The following CACNA2D3 variants were observed in gnomAD, a reference collection of about 807,000 sequenced individuals.
CACNA2D3 encodes voltage-dependent calcium channel subunit alpha-2/delta-3.
A neutral mutation model predicts 160.6 loss-of-function variants in CACNA2D3; 60 were observed. The observed-to-expected ratio is 0.37, with a 90% CI of 0.30 to 0.46. CACNA2D3 has a LOEUF of 0.46. Ranked by LOEUF, CACNA2D3 falls within the 20% of genes least tolerant of loss-of-function variation. The probability of loss-of-function intolerance (pLI) is 1.00; values close to 1 mark genes in which losing one functional copy is unlikely to be tolerated. For missense variants in CACNA2D3, 1,205 were observed against 1,365.0 expected (o/e 0.88, Z 1.85); for synonymous variants, 558 against 492.9 (o/e 1.13, Z -1.75).
At chr3:54,401,033 G>A (rs186542299) in intron 4 of CACNA2D3, among the ~76,000 whole-genome samples, 30 of 152,072 alleles carry the variant, frequency 2.0e-4, no homozygotes, top group East Asian at 5.8e-4. Context: ...TAATCTCAAC[G>A]GAGATAAATA....
At chr3:54,287,299 T>G (rs1703057506) in intron 2 of CACNA2D3, among the ~76,000 whole-genome samples, 1 of 152,146 alleles carries the variant, frequency 6.6e-6, no homozygotes, top group Non-Finnish European at 1.5e-5. Flanking sequence ...TAAAAGACTT[T>G]AAACCAACAA....
At chr3:54,438,018 G>A (rs1700085743) in intron 4 of CACNA2D3, among the ~76,000 whole-genome samples, 1 of 152,146 alleles carries the variant, frequency 6.6e-6, no homozygotes, top group Non-Finnish European at 1.5e-5. Flanking sequence ...TTCTGTAGAG[G>A]CTTGTTTAAT....
At chr3:54,447,646 G>A (rs57360149) in intron 4 of CACNA2D3, among the ~76,000 whole-genome samples, 246 of 152,330 alleles carry the variant, frequency 1.6e-3, no homozygotes, top group African/African-American at 5.7e-3. Context: ...TTCAGGCAGG[G>A]ACTGCTTGGT....
chr3:54,147,302 C>T (rs902528186), intron 2 of CACNA2D3, among the ~76,000 whole-genome samples: 4 of 152,150 alleles, frequency 2.6e-5, no homozygotes, highest in African/African-American at 4.8e-5. Context: ...TGTCTAAGGC[C>T]GTCAGCTTGG....
intron 11 of CACNA2D3, among the ~76,000 whole-genome samples, chr3:54,723,023 C>T (rs1298164301): frequency 6.6e-6 from 1 of 152,234 alleles, no homozygotes; most frequent in Non-Finnish European, 1.5e-5. Context: ...TACTCTGTCC[C>T]AGAGAGATGG....
chr3:54,676,910 A>G (rs773459749), intron 11 of CACNA2D3, among the ~76,000 whole-genome samples: 2 of 152,172 alleles, frequency 1.3e-5, no homozygotes, highest in Non-Finnish European at 2.9e-5. Context: ...ATTTTTTGGC[A>G]CCAAGTAGGG....
At chr3:54,834,288 G>A (rs996807906) in intron 14 of CACNA2D3, among the ~76,000 whole-genome samples, 3 of 152,100 alleles carry the variant, frequency 2.0e-5, no homozygotes, top group Non-Finnish European at 4.4e-5. Context: ...AATTTGATTT[G>A]AGTTGCAAAG....
At chr3:54,773,036 C>G (rs1213228985) in intron 13 of CACNA2D3, among the ~76,000 whole-genome samples, 8 of 152,332 alleles carry the variant, frequency 5.3e-5, no homozygotes, top group Admixed American at 4.6e-4. Context: ...TTATCAAGCC[C>G]TCTTGCCCCT....
chr3:54,627,889 T>A lies in CACNA2D3; in HGVS notation c.1053+13T>A, dbSNP rs759579329. On this transcript the variant is annotated intron_variant, in intron 10 of 37. Coordinates refer to ENST00000474759, the MANE Select transcript of CACNA2D3 (RefSeq NM_018398.3). ...CATTCTGAGTGATGTAAGTTCCTCT[T>A]TGATTTGCCTTTCTCATCCCTTGGA... The A allele has an allele frequency of 1.3e-6, 2 of 1,531,752 alleles. No individual in the cohort carries two copies. Among genetic ancestry groups the A allele is most frequent in the East Asian group, 2.3e-5 (1 of 43,986 alleles). The allele number at this position is 1,531,752 out of a possible 1,614,324, so 94.9% of individuals were successfully genotyped here.
At chr3:54,833,175 T>A (rs566756384) in intron 14 of CACNA2D3, among the ~76,000 whole-genome samples, 60 of 152,358 alleles carry the variant, frequency 3.9e-4, no homozygotes, top group Admixed American at 9.8e-4. Context: ...TTTCCTTTGA[T>A]ACCCAAATGG....
At chr3:54,808,753 A>G (rs1229135075) in intron 13 of CACNA2D3, among the ~76,000 whole-genome samples, 2 of 152,148 alleles carry the variant, frequency 1.3e-5, no homozygotes, top group African/African-American at 4.8e-5. Flanking sequence ...ACTCTGCCTA[A>G]TGTACCTTGC....
chr3:54,386,694 G>GTTTTTTTTTTTTT (rs62967361), intron 3 of CACNA2D3, 21 bp from the exon 4 acceptor site: 8 of 1,408,146 alleles, frequency 5.7e-6, no homozygotes, highest in African/African-American at 1.6e-5. Context: ...GCTGTCTTCT[G>GTTTTTTTTTTTTT]TTTTTTTTTT....
Position 54,299,780 on chromosome 3 carries a change from T to C in CACNA2D3, c.205-20662T>C, listed in dbSNP as rs146379166. On this transcript the variant is annotated intron_variant, in intron 2 of 37. Transcript: ENST00000474759. The stretch of plus-strand genomic sequence containing the variant: ...CAAAAGGAGACATTATAGAATGAAA[T>C]AGAAGTGAATTAACACATCGATTTT... 2.1e-3 allele frequency among the ~76,000 whole-genome samples: 322 copies of C among 152,258 alleles called. 4 individuals carry two copies. The highest frequency in any genetic ancestry group is 7.1e-3 in the African/African-American group (297 of 41,570).
Position 54,808,631 on chromosome 3 carries a change from G to C in CACNA2D3, c.1381-8222G>C, listed in dbSNP as rs374922966. On this transcript the variant is annotated intron_variant, in intron 13 of 37. Coordinates refer to ENST00000474759, the MANE Select transcript of CACNA2D3 (RefSeq NM_018398.3). ...CATGGGGCTTGGCCTCTTACCTAGG[G>C]CAAGGGACACTGAAGGAAAGGGGTT... Among the ~76,000 whole-genome samples, 14 of 152,262 alleles carry C rather than the reference G, an allele frequency of 9.2e-5. No individual in the cohort carries two copies. The East Asian group carries it at 1.5e-3, about 17-fold the overall frequency.
chr3:54,526,503 A>G (rs1025234779), intron 5 of CACNA2D3, among the ~76,000 whole-genome samples: 4 of 152,090 alleles, frequency 2.6e-5, no homozygotes, highest in African/African-American at 4.8e-5. Context: ...ATTTGATTTT[A>G]GTGACTGGCT....
chr3:54,725,426 A>C (rs749130648), intron 11 of CACNA2D3, among the ~76,000 whole-genome samples: 14 of 152,226 alleles, frequency 9.2e-5, no homozygotes, highest in Non-Finnish European at 1.5e-4. Flanking sequence ...GGCCAGCATC[A>C]TCCTGATACC....
intron 4 of CACNA2D3, among the ~76,000 whole-genome samples, chr3:54,443,854 G>C (rs1700181031): frequency 6.6e-6 from 1 of 152,204 alleles, no homozygotes; most frequent in Non-Finnish European, 1.5e-5. Context: ...AGTCATCTTT[G>C]CTTTGTAGAG....
intron 35 of CACNA2D3, among the ~76,000 whole-genome samples, chr3:55,059,676 AC>A (rs774184941): frequency 4.9e-4 from 74 of 152,040 alleles, no homozygotes; most frequent in Admixed American, 1.2e-3. Flanking sequence ...CCCTCTTGGT[AC>A]CCGGGTTCTT....
intron 8 of CACNA2D3, among the ~76,000 whole-genome samples, chr3:54,579,957 C>T (rs17804181): frequency 0.24 from 36,907 of 151,922 alleles, 4,996 homozygotes; most frequent in Middle Eastern, 0.36. Context: ...CAAAGATGAA[C>T]GAGAGGGCAC....
Sources: gnomAD v4.1 joint callset for allele counts (sites outside exome capture counted in the v4.1 genomes callset) on GRCh38, gnomAD v4.1.1 for gene constraint, MANE v1.5 for transcripts, NCBI Gene and HGNC (gene_info 2026-07-23, HGNC 2026-07-21) for gene names.